The following LDB2 variants were observed in gnomAD, a reference collection of about 807,000 sequenced individuals.
LDB2 encodes LIM domain-binding protein 2.
In LDB2, 12 loss-of-function variants were observed where a neutral mutation model predicts 44.3. The ratio of observed to expected loss-of-function variants is 0.27; its 90% confidence interval spans 0.17 to 0.44. LDB2 has a LOEUF of 0.44. LDB2 is among the 20% of genes least tolerant of loss of function. The pLI is 1.00. For missense variants in LDB2, 344 were observed against 473.5 expected (o/e 0.73, Z 2.54); for synonymous variants, 164 against 174.8 (o/e 0.94, Z 0.49).
At chr4:16,854,473 T>TTTTTTATTTTTTTTTTTTTTA (rs1788922085) in intron 1 of LDB2, among the ~76,000 whole-genome samples, 1 of 147,326 alleles carries the variant, frequency 6.8e-6, no homozygotes, top group Non-Finnish European at 1.5e-5. Context: ...CTTCCAGATA[T>TTTTTTATTTTTTTTTTTTTTA]TTTTTATTTT....
At chr4:16,890,784 T>A (rs1254553035) in intron 1 of LDB2, among the ~76,000 whole-genome samples, 1 of 152,146 alleles carries the variant, frequency 6.6e-6, no homozygotes, top group Non-Finnish European at 1.5e-5. Context: ...ATCTATCTTA[T>A]CTTCAACAAC....
At chr4:16,672,459 C>CA (rs1745033945) in intron 2 of LDB2, among the ~76,000 whole-genome samples, 1 of 152,188 alleles carries the variant, frequency 6.6e-6, no homozygotes, top group Non-Finnish European at 1.5e-5. Context: ...AGCCCTAGCT[C>CA]AACCCTTGCC....
At chr4:16,890,728 C>T (rs1723129483) in intron 1 of LDB2, among the ~76,000 whole-genome samples, 1 of 152,202 alleles carries the variant, frequency 6.6e-6, no homozygotes, top group Admixed American at 6.5e-5. Flanking sequence ...TAAAGGAGAA[C>T]CAGAATGCGT....
intron 2 of LDB2, among the ~76,000 whole-genome samples, chr4:16,734,562 C>T (rs1468777505): frequency 1.3e-5 from 2 of 152,136 alleles, no homozygotes; most frequent in Non-Finnish European, 2.9e-5. Flanking sequence ...CCCCATTTCC[C>T]TTCCATCCAG....
chr4:16,801,188 CTG>C (rs1777757469), intron 1 of LDB2, among the ~76,000 whole-genome samples: 1 of 152,178 alleles, frequency 6.6e-6, no homozygotes, highest in Non-Finnish European at 1.5e-5. Flanking sequence ...GTCTTCAGTT[CTG>C]TTTGGTTTAG....
chr4:16,853,992 G>C (rs1788817064), intron 1 of LDB2, among the ~76,000 whole-genome samples: 1 of 152,080 alleles, frequency 6.6e-6, no homozygotes, highest in Non-Finnish European at 1.5e-5. Flanking sequence ...GGTGAGCGGG[G>C]AGGAAATGGG....
At chr4:16,612,540 A>G (rs1384560260) in intron 2 of LDB2, among the ~76,000 whole-genome samples, 2 of 152,212 alleles carry the variant, frequency 1.3e-5, no homozygotes, top group African/African-American at 4.8e-5. Context: ...ATAAACACTG[A>G]CACCACAGAA....
chr4:16,560,302 A>G (rs937782697), intron 5 of LDB2, among the ~76,000 whole-genome samples: 1 of 152,186 alleles, frequency 6.6e-6, no homozygotes, highest in Non-Finnish European at 1.5e-5. Context: ...GGATCAACAA[A>G]ATGGATAAGA....
At chr4:16,784,162 G>A (rs1773897906) in intron 1 of LDB2, among the ~76,000 whole-genome samples, 1 of 152,078 alleles carries the variant, frequency 6.6e-6, no homozygotes, top group Non-Finnish European at 1.5e-5. Flanking sequence ...GGCACCCTGG[G>A]GCACATAGGC....
Position 16,622,298 on chromosome 4 carries a change from A to G in LDB2, c.236-26423T>C, listed in dbSNP as rs1229468400. ...GGAACAAATAAAGAGAAAAACAAAA[A>G]CTATAAATTTCTGGCACACAGAAGA... is the stretch of plus-strand genomic sequence containing the variant. On this transcript the variant is annotated intron_variant, in intron 2 of 7. Coordinates refer to ENST00000304523, the MANE Select transcript of LDB2 (RefSeq NM_001290.5). Among the ~76,000 whole-genome samples the G allele has an allele frequency of 2.6e-5, 4 of 152,366 alleles. No homozygotes were observed. In the East Asian group the frequency reaches 7.7e-4, roughly 29 times the overall value.
At chr4:16,773,609 G>T (rs188946522) in intron 1 of LDB2, among the ~76,000 whole-genome samples, 4 of 152,226 alleles carry the variant, frequency 2.6e-5, no homozygotes, top group Non-Finnish European at 4.4e-5. Flanking sequence ...AGTGATGGGG[G>T]AGCGGCTGTA....
chr4:16,601,176 C>T lies in LDB2; in HGVS notation c.236-5301G>A, dbSNP rs184305644. On this transcript the variant is annotated intron_variant, in intron 2 of 7. Coordinates refer to ENST00000304523, the MANE Select transcript of LDB2 (RefSeq NM_001290.5). Reference sequence around the variant, plus strand: ...ACACAAATACTTTTAAGGAAATCAACGTAGTGATTATTTCTTATTTTGAGA... The same window carrying T: ...ACACAAATACTTTTAAGGAAATCAATGTAGTGATTATTTCTTATTTTGAGA... Among the ~76,000 whole-genome samples the T allele has an allele frequency of 7.4e-4, 113 of 152,152 alleles. 1 individual carries two copies. Among genetic ancestry groups the T allele is most frequent in the African/African-American group, 1.6e-3 (66 of 41,530 alleles).
At chr4:16,836,994 G>A (rs1784991089) in intron 1 of LDB2, among the ~76,000 whole-genome samples, 1 of 152,154 alleles carries the variant, frequency 6.6e-6, no homozygotes, top group African/African-American at 2.4e-5. Flanking sequence ...TTATCTGCCT[G>A]ACACAATTTC....
chr4:16,830,592 T>G (rs1053929576), intron 1 of LDB2, among the ~76,000 whole-genome samples: 3 of 152,210 alleles, frequency 2.0e-5, no homozygotes, highest in Non-Finnish European at 4.4e-5. Context: ...AAGTGAAACT[T>G]GTCCAGGTAA....
chr4:16,823,925 A>G (rs1782567421), intron 1 of LDB2, among the ~76,000 whole-genome samples: 1 of 152,250 alleles, frequency 6.6e-6, no homozygotes, highest in South Asian at 2.1e-4. Flanking sequence ...TGGTTGATAA[A>G]GGCTATAAGT....
intron 1 of LDB2, among the ~76,000 whole-genome samples, chr4:16,763,729 T>C (rs545801093): frequency 6.6e-6 from 1 of 152,318 alleles, no homozygotes; most frequent in South Asian, 2.1e-4. Context: ...CTACCCTAAT[T>C]GCTACCAAGG....
At chr4:16,557,022 G>A (rs1465999177) in intron 5 of LDB2, among the ~76,000 whole-genome samples, 1 of 152,162 alleles carries the variant, frequency 6.6e-6, no homozygotes, top group Non-Finnish European at 1.5e-5. Context: ...TATTAAAACT[G>A]TGGCCATACT....
chr4:16,862,064 G>A lies in LDB2; in HGVS notation c.132+36290C>T, dbSNP rs986216905. Among the ~76,000 whole-genome samples, 7 of 152,200 alleles carry A rather than the reference G, an allele frequency of 4.6e-5. No individual in the cohort carries two copies. In the East Asian group the frequency reaches 7.7e-4, roughly 17 times the overall value. ...AAGGTTGTGAGAAATAAAGGACATC[G>A]AGGCTGCCACACAGTGAATTCTCAT... On this transcript the variant is annotated intron_variant, in intron 1 of 7. Coordinates refer to ENST00000304523, the MANE Select transcript of LDB2 (RefSeq NM_001290.5).
At chr4:16,818,291 G>A (rs902649597) in intron 1 of LDB2, among the ~76,000 whole-genome samples, 3 of 152,166 alleles carry the variant, frequency 2.0e-5, no homozygotes, top group Non-Finnish European at 2.9e-5. Context: ...AAAGACTAGA[G>A]ATAGAGCTGG....
Sources: gnomAD v4.1 joint callset for allele counts (sites outside exome capture counted in the v4.1 genomes callset) on GRCh38, gnomAD v4.1.1 for gene constraint, MANE v1.5 for transcripts, NCBI Gene and HGNC (gene_info 2026-07-23, HGNC 2026-07-21) for gene names.